The following EYS variants were observed in gnomAD, a reference collection of about 807,000 sequenced individuals.
EYS encodes protein eyes shut homolog.
A neutral mutation model predicts 282.1 loss-of-function variants in EYS; 250 were observed. That is an observed-to-expected ratio of 0.89 (90% CI 0.80 to 0.98). The LOEUF (loss-of-function observed/expected upper bound fraction) is 0.98, where lower values mean the gene tolerates loss of function less well. EYS is among the 50% of genes least tolerant of loss of function. EYS has a pLI of 0.00. For missense variants in EYS, 4,016 were observed against 3,709.0 expected (o/e 1.08, Z -2.15); for synonymous variants, 1,355 against 1,282.9 (o/e 1.06, Z -1.20).
At chr6:64,246,066 A>G (rs780630805) in intron 30 of EYS, among the ~76,000 whole-genome samples, 1 of 149,644 alleles carries the variant, frequency 6.7e-6, no homozygotes, top group African/African-American at 2.5e-5. Context: ...GTAAATCATA[A>G]TAGGTTTTGT....
chr6:64,085,330 ACGTGCGCGCG>A (rs1177743621), intron 31 of EYS, among the ~76,000 whole-genome samples: 1,312 of 117,062 alleles, frequency 0.011, 23 homozygotes, highest in African/African-American at 0.05. Context: ...GCGCGTGCGC[ACGTGCGCGCG>A]CACACACACA....
At chr6:64,588,448 A>T (rs1258827097) in intron 26 of EYS, among the ~76,000 whole-genome samples, 3 of 152,086 alleles carry the variant, frequency 2.0e-5, no homozygotes, top group Non-Finnish European at 4.4e-5. Context: ...AAGCACCTGC[A>T]GAAGACTAGA....
At chr6:65,686,572 T>C (rs547685943) in intron 1 of EYS, among the ~76,000 whole-genome samples, 34 of 152,084 alleles carry the variant, frequency 2.2e-4, no homozygotes, top group Middle Eastern at 3.4e-3. Flanking sequence ...TGCTCACACA[T>C]AAATGGGGAG....
At chr6:64,292,812 G>A (rs1269610350) in intron 30 of EYS, among the ~76,000 whole-genome samples, 1 of 152,002 alleles carries the variant, frequency 6.6e-6, no homozygotes, top group Non-Finnish European at 1.5e-5. Flanking sequence ...TATATGCTAT[G>A]TATTTGGCCC....
intron 12 of EYS, among the ~76,000 whole-genome samples, chr6:65,175,502 T>G (rs190672905): frequency 1.1e-3 from 172 of 151,448 alleles, no homozygotes; most frequent in African/African-American, 4.0e-3. Context: ...GAATAAGTGG[T>G]GCTCTCAAAA....
chr6:65,323,389 A>C (rs1769531112), intron 11 of EYS, among the ~76,000 whole-genome samples: 1 of 151,698 alleles, frequency 6.6e-6, no homozygotes. Context: ...AGATGAGTGT[A>C]AATAATCTTG....
At chr6:64,909,404 G>T (rs1338668051) in intron 16 of EYS, among the ~76,000 whole-genome samples, 1 of 152,100 alleles carries the variant, frequency 6.6e-6, no homozygotes, top group East Asian at 1.9e-4. Context: ...AAACCCATTT[G>T]TTTATAGAAA....
In EYS at chr6:64,230,683, T is replaced by G; in HGVS notation, c.6333A>C (p.Gly2111=). 2 of 1,551,568 alleles carry G rather than the reference T, an allele frequency of 1.3e-6. No individual in the cohort carries two copies. Among genetic ancestry groups the G allele is most frequent in the Non-Finnish European group, 1.7e-6 (2 of 1,146,880 alleles). ...SVCQQDVCHN[G]GTCHAIFLSS... ...AGAGGAAGATGGCATGGCATGTGCC[T>G]CCATTGTGGCATACATCCTGCTGGC... Residue 2111 remains glycine, a synonymous_variant, in exon 31 of 43, where the codon GGA becomes GGC. Transcript: ENST00000503581.
chr6:64,237,517 G>T (rs530541354), intron 30 of EYS, among the ~76,000 whole-genome samples: 2 of 152,164 alleles, frequency 1.3e-5, no homozygotes, highest in South Asian at 2.1e-4. Flanking sequence ...TTTTTTAGTT[G>T]CCAGGTGTTC....
chr6:64,948,537 CTG>C (rs1345175034), intron 14 of EYS, among the ~76,000 whole-genome samples: 1 of 142,398 alleles, frequency 7.0e-6, no homozygotes, highest in African/African-American at 2.5e-5. Context: ...CACTAGAAAA[CTG>C]AAATATAATT....
rs1028760109 is a variant in EYS, at chr6:64,596,985, T to C, written c.3685-3676A>G. Among the ~76,000 whole-genome samples, 2 of 152,070 alleles carry C rather than the reference T, an allele frequency of 1.3e-5. 1 individual carries two copies. Among genetic ancestry groups the C allele is most frequent in the Non-Finnish European group, 2.9e-5 (2 of 68,000 alleles). ...TCCAACAGGGAACTAATATTTAAAA[T>C]TTTACAAGGACCTCAAACAACTCAA... is the stretch of plus-strand genomic sequence containing the variant. On this transcript the variant is annotated intron_variant, in intron 24 of 42. Transcript: ENST00000503581.
intron 31 of EYS, among the ~76,000 whole-genome samples, chr6:64,229,602 CTG>C (rs1331914830): frequency 1.3e-5 from 2 of 152,268 alleles, no homozygotes; most frequent in African/African-American, 2.4e-5. Context: ...TGAAAATAGA[CTG>C]TGTTTCCATT....
intron 14 of EYS, among the ~76,000 whole-genome samples, chr6:64,984,633 C>T (rs181481033): frequency 1.7e-3 from 257 of 151,530 alleles, no homozygotes; most frequent in Middle Eastern, 0.014. Context: ...GCTAGCTATA[C>T]ATTATTGATA....
chr6:65,280,742 G>A (rs1362439799), intron 12 of EYS, among the ~76,000 whole-genome samples: 1 of 151,592 alleles, frequency 6.6e-6, no homozygotes, highest in African/African-American at 2.4e-5. Flanking sequence ...ACCTGGCTGG[G>A]CGCAGTGGCT....
At chr6:64,806,670 A>G (rs1764438959) in intron 22 of EYS, among the ~76,000 whole-genome samples, 2 of 152,050 alleles carry the variant, frequency 1.3e-5, no homozygotes, top group South Asian at 4.1e-4. Context: ...AATATGAAAC[A>G]CTTCAAAAAT....
At chr6:65,361,966 T>C (rs1308094270) in intron 8 of EYS, among the ~76,000 whole-genome samples, 1 of 152,144 alleles carries the variant, frequency 6.6e-6, no homozygotes, top group Non-Finnish European at 1.5e-5. Context: ...CTAAAACACA[T>C]ACGAGTAACT....
At chr6:64,980,759 CTAA>C (rs1770634064) in intron 14 of EYS, among the ~76,000 whole-genome samples, 1 of 151,276 alleles carries the variant, frequency 6.6e-6, no homozygotes, top group South Asian at 2.1e-4. Flanking sequence ...TTTTATAAAA[CTAA>C]TGATTTCTCA....
At chr6:63,996,148 T>TG (rs1204250667) in intron 34 of EYS, among the ~76,000 whole-genome samples, 2 of 151,762 alleles carry the variant, frequency 1.3e-5, no homozygotes. Flanking sequence ...TTCAATTTTT[T>TG]AAAAGAAAGA....
At chr6:65,141,359 G>A (rs1764335704) in intron 12 of EYS, among the ~76,000 whole-genome samples, 1 of 151,976 alleles carries the variant, frequency 6.6e-6, no homozygotes, top group Non-Finnish European at 1.5e-5. Context: ...GCGGGAGCGG[G>A]GAGGGATAGC....
Sources: allele counts gnomAD v4.1 joint callset (sites outside exome capture counted in the v4.1 genomes callset), GRCh38; gene constraint gnomAD v4.1.1; transcripts MANE v1.5; gene names NCBI Gene and HGNC (gene_info 2026-07-23, HGNC 2026-07-21).